The following WFIKKN2 variants were observed in gnomAD, a reference collection of about 807,000 sequenced individuals.
WFIKKN2 encodes the protein WAP, Kazal, immunoglobulin, Kunitz and NTR domain-containing protein 2.
WFIKKN2 carries 25 observed loss-of-function variants against 39.2 expected under a neutral mutation model. The ratio of observed to expected loss-of-function variants is 0.64; its 90% CI spans 0.47 to 0.89. WFIKKN2 has a LOEUF of 0.89. WFIKKN2 is among the 40% of genes least tolerant of loss of function. The probability of loss-of-function intolerance (pLI) is 0.00; values close to 1 mark genes in which losing one functional copy is unlikely to be tolerated. For synonymous variants in WFIKKN2, 345 were observed against 329.7 expected (o/e 1.05, Z -0.50); for missense variants, 770 against 811.7 (o/e 0.95, Z 0.62).
At position 50,841,905 on chromosome 17, in the gene WFIKKN2, A is replaced by T. The variant is rs752786421; in HGVS notation, c.*886A>T. On this transcript the variant is annotated 3_prime_UTR_variant, in exon 2 of 2. Coordinates refer to ENST00000311378, the MANE Select transcript of WFIKKN2 (RefSeq NM_175575.6). ...ATGCCACTGGCTTCCTTGGACATAGATCAGACAAAAGCCCCGGGATCTGTT... is the reference window on the plus strand; with the variant it reads ...ATGCCACTGGCTTCCTTGGACATAGTTCAGACAAAAGCCCCGGGATCTGTT... 1 of 152,200 alleles carries T rather than the reference A, an allele frequency of 6.6e-6. No individual in the cohort carries two copies. Among genetic ancestry groups the T allele is most frequent in the African/African-American group, 2.4e-5 (1 of 41,418 alleles). The allele number at this position is 152,200 out of a possible 1,614,324, so 9.4% of individuals were successfully genotyped here.
Position 50,840,463 on chromosome 17 carries a change from A to G in WFIKKN2, c.1175A>G (p.Gln392Arg), listed in dbSNP as rs1972028730. 6.2e-7 allele frequency: 1 copy of G among 1,613,674 alleles called. No homozygotes were observed. Among genetic ancestry groups the G allele is most frequent in the African/African-American group, 1.3e-5 (1 of 74,936 alleles). The stretch of plus-strand genomic sequence containing the variant: ...GCCGCGTGCAGCCTGCCCGCCCTGC[A>G]GGGGCCCTGCAAAGCCTACGCGCCT... ...PLAACSLPALQGPCKAYAPRW... is the reference protein window; with the variant it reads ...PLAACSLPALRGPCKAYAPRW... Residue 392 changes from glutamine to arginine, a missense_variant, in exon 2 of 2, where the codon CAG (glutamine) becomes CGG (arginine). Physicochemically the swap from Gln to Arg is conservative, Grantham distance 43. Coordinates refer to ENST00000311378, the MANE Select transcript of WFIKKN2 (RefSeq NM_175575.6).
rs1971946090 is a variant in WFIKKN2 at position 50,835,809 on chromosome 17, A to G, written c.-129A>G. 1 of 1,002,532 alleles carries G rather than the reference A, an allele frequency of 1.0e-6. No homozygotes were observed. The highest frequency in any genetic ancestry group is 1.7e-5 in the South Asian group (1 of 58,970). The allele number at this position is 1,002,532 out of a possible 1,614,324, so 62.1% of individuals were successfully genotyped here. A position where few individuals can be genotyped will look rare whatever the true frequency, so the allele number is the denominator to read the frequency against. On this transcript the variant is annotated 5_prime_UTR_variant, in exon 1 of 2. Coordinates refer to ENST00000311378, the MANE Select transcript of WFIKKN2 (RefSeq NM_175575.6). ...GCAGCAGCGGCAGAGCAGCCTGAGC[A>G]GCAGCCTGAGCAGGAAACCTGCTGG...
rs1344681547 is a variant in WFIKKN2 at position 50,840,337 on chromosome 17, C to G, written c.1049C>G (p.Ala350Gly). 2.5e-6 allele frequency: 4 copies of G among 1,614,058 alleles called. No individual in the cohort carries two copies. In the East Asian group the frequency reaches 8.9e-5, roughly 36 times the overall value. ...ACCCGCTGGCACTTCGATGCCCAGG[C>G]CAACAACTGCCTGACCTTCACCTTC... ...EQTRWHFDAQ[A>G]NNCLTFTFGH... The change falls in exon 2 of 2, where the codon GCC (alanine) becomes GGC (glycine). Residue 350 changes from alanine to glycine, a missense_variant. By Grantham distance (60) the Ala-to-Gly change is moderately conservative (BLOSUM62 0). Coordinates refer to ENST00000311378, the MANE Select transcript of WFIKKN2 (RefSeq NM_175575.6).
intron 1 of WFIKKN2, among the ~76,000 whole-genome samples, chr17:50,837,882 G>T (rs1338029358): frequency 1.3e-5 from 2 of 152,346 alleles, no homozygotes; most frequent in East Asian, 1.9e-4. Flanking sequence ...TAGGGCTTGG[G>T]GATGGTGAGA....
At chr17:50,836,916 GC>G (rs1357638313) in intron 1 of WFIKKN2, among the ~76,000 whole-genome samples, 1 of 152,204 alleles carries the variant, frequency 6.6e-6, no homozygotes, top group Non-Finnish European at 1.5e-5. Context: ...AGGAACACAG[GC>G]CCCGTTCACC....
chr17:50,837,540 C>T (rs1392066438), intron 1 of WFIKKN2, among the ~76,000 whole-genome samples: 2 of 152,228 alleles, frequency 1.3e-5, no homozygotes, highest in Non-Finnish European at 2.9e-5. Flanking sequence ...ATTTCCTGCC[C>T]AGTCTGGCCA....
chr17:50,836,236 TGAG>T (rs1228212586), intron 1 of WFIKKN2, 89 bp downstream of exon 1: 3 of 1,463,644 alleles, frequency 2.0e-6, no homozygotes, highest in Non-Finnish European at 1.9e-6. Context: ...TGTGGGAGTG[TGAG>T]GAGGACAACG....
rs1971987195 is a variant in WFIKKN2 at position 50,838,473 on chromosome 17, C to T, written c.211-1026C>T. ...ACCTGGTGGAGGATTAGGAGCGTTG[C>T]CTGCCTGCCAAGTGGGTACGATGTG... On this transcript the variant is annotated intron_variant, in intron 1 of 1. Transcript: ENST00000311378. Among the ~76,000 whole-genome samples the T allele has an allele frequency of 2.0e-5, 3 of 152,180 alleles. No homozygotes were observed. In the South Asian group the frequency reaches 6.2e-4, roughly 31 times the overall value.
intron 1 of WFIKKN2, among the ~76,000 whole-genome samples, chr17:50,838,809 T>G (rs1971992038): frequency 6.6e-6 from 1 of 152,120 alleles, no homozygotes; most frequent in African/African-American, 2.4e-5. Context: ...ATCTGGGCCC[T>G]CTCACAGCCT....
chr17:50,836,204 G>T, intron 1 of WFIKKN2, 57 bp downstream of exon 1: 1 of 1,577,460 alleles, frequency 6.3e-7, no homozygotes, highest in South Asian at 1.1e-5. Flanking sequence ...TGACGGGGGT[G>T]GGAGCCGTCG....
At chr17:50,838,194 G>T (rs1242221621) in intron 1 of WFIKKN2, among the ~76,000 whole-genome samples, 1 of 152,144 alleles carries the variant, frequency 6.6e-6, no homozygotes, top group Non-Finnish European at 1.5e-5. Context: ...CCAGCTCTGA[G>T]AGCTGCCCAT....
In WFIKKN2 at chr17:50,840,969, A is replaced by G; in HGVS notation, c.1681A>G (p.Met561Val). Residue 561 changes from methionine to valine, a missense_variant, in exon 2 of 2, where the codon ATG becomes GTG. Transcript: ENST00000311378. ...ARRVRKLREV[M>V]HKKTCDVLKE... ...CCGGGTCAGGAAGCTTCGTGAGGTC[A>G]TGCACAAGAAGACCTGTGACGTCCT... The G allele has an allele frequency of 3.8e-6, 6 of 1,569,236 alleles. No homozygotes were observed. The highest frequency in any genetic ancestry group is 5.2e-6 in the Non-Finnish European group (6 of 1,154,780).
In WFIKKN2 at chr17:50,840,949, T is replaced by G; in HGVS notation, c.1661T>G (p.Val554Gly). ...GTGGGCGCATCGAGTGCCCGCCGGG[T>G]CAGGAAGCTTCGTGAGGTCATGCAC... The part of the protein sequence containing the change: ...SFVGASSARR[V>G]RKLREVMHKK... The change falls in exon 2 of 2, where the codon GTC becomes GGC. Residue 554 changes from valine (V) to glycine (G), a missense_variant. Val to Gly is a moderately radical substitution (Grantham distance 109, BLOSUM62 -3). Coordinates refer to ENST00000311378, the MANE Select transcript of WFIKKN2 (RefSeq NM_175575.6). 1 of 1,586,274 alleles carries G rather than the reference T, an allele frequency of 6.3e-7. No individual in the cohort carries two copies. Among genetic ancestry groups the G allele is most frequent in the Non-Finnish European group, 8.6e-7 (1 of 1,162,868 alleles).
At chr17:50,836,198 G>C (rs375738358) in intron 1 of WFIKKN2, 51 bp downstream of exon 1, 7 of 1,593,106 alleles carry the variant, frequency 4.4e-6, no homozygotes, top group Admixed American at 1.7e-5. Context: ...TGTGAGTGAC[G>C]GGGGTGGGAG....
rs772879533 is a variant in WFIKKN2 at position 50,839,479 on chromosome 17, ACT to A, written c.211-13_211-12del. On this transcript the variant is annotated intron_variant, in intron 1 of 1. Transcript: ENST00000311378. ...TTTCCTCCTTCTCCCTGTTCAGGCC[ACT>A]CTCTCTGGCTCTTTCAGGAGTGTGA... 5 of 1,598,320 alleles carry A rather than the reference ACT, an allele frequency of 3.1e-6. No homozygotes were observed. In the African/African-American group the frequency reaches 5.4e-5, roughly 17 times the overall value.
At position 50,840,156 on chromosome 17, in the gene WFIKKN2, C is replaced by A; in HGVS notation, c.868C>A (p.Arg290=). The A allele has an allele frequency of 6.2e-7, 1 of 1,613,916 alleles. No individual in the cohort carries two copies. Among genetic ancestry groups the A allele is most frequent in the African/African-American group, 1.3e-5 (1 of 75,034 alleles). Residue 290 remains arginine, a synonymous_variant, in exon 2 of 2, where the codon CGG becomes AGG. Transcript: ENST00000311378. ...TGCTGGGATCTACACCTGCACGGCC[C>A]GGAACGTGGCTGGGGTCCTGAGGGC... The part of the protein sequence containing the change: ...QDAGIYTCTA[R]NVAGVLRADF...
At position 50,839,563 on chromosome 17, in the gene WFIKKN2, G is replaced by T. The variant is rs375564913; in HGVS notation, c.275G>T (p.Arg92Leu). The change falls in exon 2 of 2, where the codon CGC (arginine) becomes CTC (leucine). Residue 92 changes from arginine to leucine, a missense_variant. By Grantham distance (102) the Arg-to-Leu change is moderately radical (BLOSUM62 -2). Coordinates refer to ENST00000311378, the MANE Select transcript of WFIKKN2 (RefSeq NM_175575.6). Reference sequence around the variant, plus strand: ...GGGACCAAGAGCTGCGTGGCGGCCCGCTACATGGACGTGAAAGGGAAGAAG... The same window carrying T: ...GGGACCAAGAGCTGCGTGGCGGCCCTCTACATGGACGTGAAAGGGAAGAAG... ...VCGTKSCVAARYMDVKGKKGP... is the reference protein window; with the variant it reads ...VCGTKSCVAALYMDVKGKKGP... 6.2e-7 allele frequency: 1 copy of T among 1,614,044 alleles called. No individual in the cohort carries two copies. The highest frequency in any genetic ancestry group is 8.5e-7 in the Non-Finnish European group (1 of 1,179,982).
chr17:50,837,601 AT>A (rs1971975829), intron 1 of WFIKKN2, among the ~76,000 whole-genome samples: 2 of 152,238 alleles, frequency 1.3e-5, no homozygotes, highest in Non-Finnish European at 2.9e-5. Context: ...AGGCTGGGGC[AT>A]CCCCAGGGAA....
At position 50,839,658 on chromosome 17, in the gene WFIKKN2, G is replaced by A; in HGVS notation, c.370G>A (p.Asp124Asn). The change falls in exon 2 of 2, where the codon GAC becomes AAC. Residue 124 changes from aspartate to asparagine, a missense_variant. Asp to Asn is a conservative substitution (Grantham distance 23, BLOSUM62 1). Transcript: ENST00000311378. ...GTGTCTGCAGCAGGGCTCTGAGTGT[G>A]ACATCTGGGATGGCCAGCCCGTGTG... ...FMCLQQGSECDIWDGQPVCKC... is the reference protein window; with the variant it reads ...FMCLQQGSECNIWDGQPVCKC... 1 of 1,614,272 alleles carries A rather than the reference G, an allele frequency of 6.2e-7. No individual in the cohort carries two copies. Among genetic ancestry groups the A allele is most frequent in the East Asian group, 2.2e-5 (1 of 44,894 alleles).
Sources: gnomAD v4.1 joint callset for allele counts (sites outside exome capture counted in the v4.1 genomes callset) on GRCh38, gnomAD v4.1.1 for gene constraint, MANE v1.5 for transcripts, NCBI Gene and HGNC (gene_info 2026-07-23, HGNC 2026-07-21) for gene names.